SIPA1L2: variants seen among roughly 807,000 people sequenced by gnomAD.
SIPA1L2 encodes the protein signal induced proliferation associated 1 like 2.
In SIPA1L2, 56 loss-of-function variants were observed where a neutral mutation model predicts 163.9. The observed-to-expected ratio is 0.34, with a 90% confidence interval of 0.28 to 0.43. The LOEUF is 0.43. SIPA1L2 is among the 20% of genes least tolerant of loss of function. SIPA1L2 has a pLI of 1.00. For missense variants in SIPA1L2, 1,974 were observed against 2,193.5 expected (o/e 0.90, Z 2.00); for synonymous variants, 877 against 865.7 (o/e 1.01, Z -0.23).
chr1:232,468,898 C>T (rs1664658596), intron 8 of SIPA1L2, among the ~76,000 whole-genome samples: 1 of 152,142 alleles, frequency 6.6e-6, no homozygotes, highest in East Asian at 1.9e-4. Flanking sequence ...GTTATGTCTG[C>T]TTTTTAAATA....
At chr1:232,461,280 C>G in intron 9 of SIPA1L2, 119 bp from the exon 10 acceptor site, 1 of 1,275,682 alleles carries the variant, frequency 7.8e-7, no homozygotes, top group Non-Finnish European at 1.1e-6. Context: ...CGCAGCCCAG[C>G]CTGTCTCTCT....
At chr1:232,581,146 G>A (rs1441297445) in intron 1 of SIPA1L2, among the ~76,000 whole-genome samples, 2 of 152,064 alleles carry the variant, frequency 1.3e-5, no homozygotes, top group African/African-American at 2.4e-5. Context: ...TGTCCTCCTC[G>A]TGTCCCTTTC....
intron 2 of SIPA1L2, among the ~76,000 whole-genome samples, chr1:232,559,438 C>T (rs1460338565): frequency 6.6e-6 from 1 of 152,214 alleles, no homozygotes; most frequent in Non-Finnish European, 1.5e-5. Context: ...AATAAACCTC[C>T]TTTTGCCCCG....
chr1:232,460,936 T>C lies in SIPA1L2; in HGVS notation c.3046A>G (p.Thr1016Ala). 2 of 1,614,192 alleles carry C rather than the reference T, an allele frequency of 1.2e-6. No homozygotes were observed. The highest frequency in any genetic ancestry group is 1.7e-6 in the Non-Finnish European group (2 of 1,180,020). Residue 1016 changes from threonine to alanine, a missense_variant, in exon 10 of 23, where the codon ACT becomes GCT. Around this residue, in one of 3 missense-constraint regions of SIPA1L2, gnomAD observed 1,079 missense variants for 1,150.7 expected, o/e 0.94. Transcript: ENST00000674635. ...QMIDLLRTSVTVKVVIIQPHD... is the reference protein window; with the variant it reads ...QMIDLLRTSVAVKVVIIQPHD... ...GGCTGGATGATGACCACCTTCACAG[T>C]CACAGAAGTACGGAGCAGGTCGATC...
rs759018696 is a variant in SIPA1L2, at chr1:232,425,641, G to A, written c.4578C>T (p.His1526=). 2 of 1,612,562 alleles carry A rather than the reference G, an allele frequency of 1.2e-6. No homozygotes were observed. Among genetic ancestry groups the A allele is most frequent in the Admixed American group, 1.7e-5 (1 of 59,892 alleles). The change falls in exon 18 of 23, where the codon CAC becomes CAT. Residue 1526 remains histidine (H), a synonymous_variant. Coordinates refer to ENST00000674635, the MANE Select transcript of SIPA1L2 (RefSeq NM_020808.5). ...DILFSTTPPY[H]STLPPRAHPA... is the part of the protein sequence containing the mutation. ...GGTGGGCCCGCGGAGGCAGCGTGCT[G>A]TGGTAGGGTGGGGTGGTGCTGAACA...
At chr1:232,595,460 G>C (rs967125504) in intron 1 of SIPA1L2, among the ~76,000 whole-genome samples, 2 of 152,192 alleles carry the variant, frequency 1.3e-5, no homozygotes, top group African/African-American at 4.8e-5. Flanking sequence ...GGCTGTCACT[G>C]CTGGGCTGTC....
At position 232,483,955 on chromosome 1, in the gene SIPA1L2, C is replaced by T. The variant is rs755481032; in HGVS notation, c.1818G>A (p.Gln606=). The T allele has an allele frequency of 6.2e-7, 1 of 1,608,570 alleles. No individual in the cohort carries two copies. Residue 606 remains glutamine (Q), a synonymous_variant, in exon 6 of 23, where the codon CAG becomes CAA. Transcript: ENST00000674635. The part of the protein sequence containing the change: ...LKLDEQGLSF[Q]HKIGILYCKA... ...TGCAATAAAGGATCCCGATCTTGTG[C>T]TGAAAGCTCAGCTGAAATGGGGGAG...
intron 7 of SIPA1L2, among the ~76,000 whole-genome samples, chr1:232,473,470 T>TA (rs1664894787): frequency 3.3e-5 from 5 of 150,600 alleles, no homozygotes; most frequent in Admixed American, 2.0e-4. Context: ...AAACACAGGG[T>TA]GCAGGGAGGG....
Position 232,445,679 on chromosome 1 carries a change from C to A in SIPA1L2, c.3203G>T (p.Arg1068Leu). The change falls in exon 11 of 23, where the codon CGG becomes CTG. Residue 1068 changes from arginine (R) to leucine (L), a missense_variant. Around this residue, in one of 3 missense-constraint regions of SIPA1L2, gnomAD observed 1,079 missense variants for 1,150.7 expected, o/e 0.94. Coordinates refer to ENST00000674635, the MANE Select transcript of SIPA1L2 (RefSeq NM_020808.5). ...GGGCTGCAGGGCAGGAGTGGGCACC[C>A]GGTGCCACGTGGTGTTCCTCCTGAA... ...TPFRRNTTWH[R>L]VPTPALQPLS... The A allele has an allele frequency of 6.2e-7, 1 of 1,613,266 alleles. No individual in the cohort carries two copies. Among genetic ancestry groups the A allele is most frequent in the Middle Eastern group, 1.7e-4 (1 of 5,938 alleles).
Position 232,590,091 on chromosome 1 carries a change from C to T in SIPA1L2, c.-318-15869G>A, listed in dbSNP as rs187281639. 1.4e-3 allele frequency among the ~76,000 whole-genome samples: 210 copies of T among 152,222 alleles called. 1 individual carries two copies. Among genetic ancestry groups the T allele is most frequent in the Non-Finnish European group, 1.5e-3 (101 of 68,016 alleles). On this transcript the variant is annotated intron_variant, in intron 1 of 22. Coordinates refer to ENST00000674635, the MANE Select transcript of SIPA1L2 (RefSeq NM_020808.5). ...GTGCCTGCAATCCAGCAACGCAATCCGGGAATTCCATCTCTCCTATCCTCT... is the reference window on the plus strand; with the variant it reads ...GTGCCTGCAATCCAGCAACGCAATCTGGGAATTCCATCTCTCCTATCCTCT...
chr1:232,464,503 T>C (rs1466603103), intron 9 of SIPA1L2, among the ~76,000 whole-genome samples: 1 of 152,238 alleles, frequency 6.6e-6, no homozygotes, highest in Non-Finnish European at 1.5e-5. Context: ...AATTACCCAC[T>C]GGGAAGGTAT....
intron 11 of SIPA1L2, 93 bp from the exon 12 acceptor site, chr1:232,443,778 G>A: frequency 1.2e-5 from 11 of 929,050 alleles, no homozygotes; most frequent in Non-Finnish European, 1.6e-5. Flanking sequence ...AATATACTTT[G>A]AGAATGACAA....
intron 10 of SIPA1L2, among the ~76,000 whole-genome samples, chr1:232,459,548 T>C (rs1438608620): frequency 6.6e-6 from 1 of 152,218 alleles, no homozygotes; most frequent in East Asian, 1.9e-4. Flanking sequence ...AGTCTCACTC[T>C]GCCACCCATG....
rs545206219 is a variant in SIPA1L2 at position 232,546,315 on chromosome 1, G to C, written c.-270+27859C>G. Among the ~76,000 whole-genome samples, 3 of 152,208 alleles carry C rather than the reference G, an allele frequency of 2.0e-5. No individual in the cohort carries two copies. In the East Asian group the frequency reaches 5.8e-4, roughly 29 times the overall value. ...AGAGAGAGGAAAGAAAACCCTAAAA[G>C]GCCACCATGACGCCAAGACTTCACC... On this transcript the variant is annotated intron_variant, in intron 2 of 22. Transcript: ENST00000674635.
At chr1:232,502,660 T>C (rs1666539450) in intron 3 of SIPA1L2, among the ~76,000 whole-genome samples, 1 of 152,198 alleles carries the variant, frequency 6.6e-6, no homozygotes, top group South Asian at 2.1e-4. Context: ...ACTTTCTTAT[T>C]GCGAACACAG....
chr1:232,466,169 C>G (rs1168189787), intron 8 of SIPA1L2, among the ~76,000 whole-genome samples: 3 of 152,098 alleles, frequency 2.0e-5, no homozygotes, highest in Admixed American at 6.5e-5. Flanking sequence ...GCTCTTCTGA[C>G]CAAAGTGGGT....
At chr1:232,621,414 G>A (rs1349000908) in intron 1 of SIPA1L2, among the ~76,000 whole-genome samples, 1 of 151,926 alleles carries the variant, frequency 6.6e-6, no homozygotes, top group East Asian at 1.9e-4. Flanking sequence ...CTTTCATCAT[G>A]ATTTATTGAA....
chr1:232,536,463 C>T (rs1041939346), intron 2 of SIPA1L2, among the ~76,000 whole-genome samples: 3 of 152,178 alleles, frequency 2.0e-5, no homozygotes, highest in African/African-American at 7.2e-5. Context: ...TGAATCATTG[C>T]TTATGAGGAA....
chr1:232,514,095 C>T lies in SIPA1L2; in HGVS notation c.1245G>A (p.Glu415=). Residue 415 remains glutamate, a synonymous_variant, in exon 3 of 23, where the codon GAG becomes GAA. Transcript: ENST00000674635. The part of the protein sequence containing the change: ...LVLSCPYFRN[E]TGGEGDRRIA... Reference sequence around the variant, plus strand: ...TCCGCCTGTCGCCTTCCCCTCCAGTCTCATTTCTAAAGTAAGGACAACTAA... The same window carrying T: ...TCCGCCTGTCGCCTTCCCCTCCAGTTTCATTTCTAAAGTAAGGACAACTAA... 1 of 1,614,210 alleles carries T rather than the reference C, an allele frequency of 6.2e-7. No homozygotes were observed. Among genetic ancestry groups the T allele is most frequent in the Non-Finnish European group, 8.5e-7 (1 of 1,180,040 alleles).
Sources: gnomAD v4.1 joint callset for allele counts (sites outside exome capture counted in the v4.1 genomes callset) on GRCh38, gnomAD v4.1.1 for gene constraint, gnomAD v4.1.1 regional missense constraint, MANE v1.5 for transcripts, NCBI Gene and HGNC (gene_info 2026-07-23, HGNC 2026-07-21) for gene names.